Variants in FMN1 observed in about 807,000 individuals in gnomAD.
FMN1 encodes formin 1.
A neutral mutation model predicts 132.4 loss-of-function variants in FMN1; 110 were observed. The ratio of observed to expected loss-of-function variants is 0.83; its 90% CI spans 0.71 to 0.97. The LOEUF is 0.97. Among genes scored for constraint, FMN1 ranks in the 50% least tolerant of loss-of-function variants. FMN1 has a pLI of 0.00. For synonymous variants in FMN1, 722 were observed against 651.7 expected (o/e 1.11, Z -1.64); for missense variants, 1,792 against 1,705.3 (o/e 1.05, Z -0.90).
chr15:33,124,945 G>A (rs1962910913), intron 4 of FMN1, among the ~76,000 whole-genome samples: 1 of 151,812 alleles, frequency 6.6e-6, no homozygotes, highest in Admixed American at 6.6e-5. Flanking sequence ...CCTCCACTGA[G>A]GTTTTGATTT....
At chr15:32,968,330 A>G (rs2031440018) in intron 8 of FMN1, among the ~76,000 whole-genome samples, 1 of 152,244 alleles carries the variant, frequency 6.6e-6, no homozygotes, top group Non-Finnish European at 1.5e-5. Flanking sequence ...GACAGTAAAA[A>G]GAATTCTAAA....
chr15:33,116,251 T>C (rs1313371184), intron 4 of FMN1, among the ~76,000 whole-genome samples: 1 of 147,606 alleles, frequency 6.8e-6, no homozygotes, highest in African/African-American at 2.5e-5. Context: ...TGTTCTACTT[T>C]CCTTTATACC....
intron 7 of FMN1, 124 bp downstream of exon 7, chr15:33,007,890 G>C: frequency 1.4e-6 from 1 of 696,056 alleles, no homozygotes. Flanking sequence ...GTGCCTACTG[G>C]CAGCTGCAAG....
chr15:32,897,454 G>A (rs1430940508), intron 15 of FMN1, among the ~76,000 whole-genome samples: 1 of 152,120 alleles, frequency 6.6e-6, no homozygotes, highest in East Asian at 1.9e-4. Flanking sequence ...AGAAAAAAAG[G>A]AAGTTTTATA....
chr15:32,946,561 T>C (rs1442177805), intron 9 of FMN1, among the ~76,000 whole-genome samples: 1 of 152,192 alleles, frequency 6.6e-6, no homozygotes, highest in Non-Finnish European at 1.5e-5. Flanking sequence ...CAAATTCACT[T>C]GGAATTTGGG....
chr15:32,910,582 C>T (rs370185945), intron 10 of FMN1, 47 bp from the exon 11 acceptor site: 3 of 1,377,008 alleles, frequency 2.2e-6, no homozygotes, highest in South Asian at 2.5e-5. Flanking sequence ...TTGATTAGGT[C>T]CCCTGCACCA....
chr15:33,109,816 T>C (rs535067886), intron 4 of FMN1, among the ~76,000 whole-genome samples: 2 of 149,748 alleles, frequency 1.3e-5, no homozygotes, highest in Admixed American at 1.4e-4. Context: ...TCTTTACATG[T>C]ATCCCCAAAT....
chr15:32,916,210 G>A (rs954960705), intron 10 of FMN1, among the ~76,000 whole-genome samples: 1 of 152,160 alleles, frequency 6.6e-6, no homozygotes, highest in African/African-American at 2.4e-5. Flanking sequence ...ATACAACAGG[G>A]AAAATTCCCC....
chr15:32,911,063 T>C (rs534431786), intron 10 of FMN1, among the ~76,000 whole-genome samples: 1 of 152,326 alleles, frequency 6.6e-6, no homozygotes, highest in African/African-American at 2.4e-5. Context: ...ATTGCATCAA[T>C]AGCAAATTAA....
chr15:32,998,380 T>C (rs2033901850), intron 7 of FMN1, among the ~76,000 whole-genome samples: 1 of 152,164 alleles, frequency 6.6e-6, no homozygotes, highest in African/African-American at 2.4e-5. Context: ...CTCCTAGGAC[T>C]TTGGATTGAG....
intron 15 of FMN1, among the ~76,000 whole-genome samples, chr15:32,892,593 C>T (rs2141528479): frequency 6.6e-6 from 1 of 152,260 alleles, no homozygotes; most frequent in East Asian, 1.9e-4. Context: ...AGGGAGGCTT[C>T]CCTCTTTCTC....
At chr15:33,155,658 TTTTC>T (rs901708401) in intron 3 of FMN1, among the ~76,000 whole-genome samples, 24 of 152,330 alleles carry the variant, frequency 1.6e-4, no homozygotes, top group African/African-American at 5.8e-4. Flanking sequence ...AGTTTTGCTG[TTTTC>T]TTTTTTATTT....
At chr15:33,077,840 C>G (rs560387299) in intron 5 of FMN1, among the ~76,000 whole-genome samples, 45 of 148,196 alleles carry the variant, frequency 3.0e-4, no homozygotes, top group Middle Eastern at 3.6e-3. Context: ...TATGAACAGA[C>G]ACTTCTCAAA....
chr15:32,910,041 C>T (rs926162670), intron 11 of FMN1, among the ~76,000 whole-genome samples: 3 of 152,156 alleles, frequency 2.0e-5, no homozygotes, highest in African/African-American at 7.2e-5. Context: ...AAAACACATA[C>T]CTACCATTCT....
chr15:32,982,500 G>T (rs959594761), intron 7 of FMN1, among the ~76,000 whole-genome samples: 1 of 152,162 alleles, frequency 6.6e-6, no homozygotes, highest in African/African-American at 2.4e-5. Flanking sequence ...AATAGCCTGT[G>T]ATGGTTAACT....
intron 17 of FMN1, among the ~76,000 whole-genome samples, chr15:32,811,677 T>G (rs950401168): frequency 9.9e-5 from 15 of 151,952 alleles, no homozygotes; most frequent in African/African-American, 3.4e-4. Flanking sequence ...TGCTTTTTTT[T>G]TTTTTGAGAC....
chr15:32,851,854 T>A (rs1163086183), intron 17 of FMN1, among the ~76,000 whole-genome samples: 1 of 152,208 alleles, frequency 6.6e-6, no homozygotes, highest in Non-Finnish European at 1.5e-5. Flanking sequence ...AAAATAATCC[T>A]GAGTCACAAC....
intron 17 of FMN1, among the ~76,000 whole-genome samples, chr15:32,813,747 TA>T (rs1396801074): frequency 6.6e-6 from 1 of 152,174 alleles, no homozygotes; most frequent in East Asian, 1.9e-4. Flanking sequence ...CCCAACTATT[TA>T]ATCTCAACGT....
intron 9 of FMN1, among the ~76,000 whole-genome samples, chr15:32,955,509 C>CA (rs1364729175): frequency 1.3e-5 from 2 of 152,106 alleles, no homozygotes; most frequent in African/African-American, 4.8e-5. Flanking sequence ...ATCAAGGTCC[C>CA]AAGCACAGGC....
Sources: allele counts gnomAD v4.1 joint callset (sites outside exome capture counted in the v4.1 genomes callset), GRCh38; gene constraint gnomAD v4.1.1; transcripts MANE v1.5; gene names NCBI Gene and HGNC (gene_info 2026-07-23, HGNC 2026-07-21).